Variants in FOXP2 observed in about 807,000 individuals in gnomAD.
FOXP2 encodes forkhead box protein P2.
Under a neutral mutation model 115.8 loss-of-function variants are expected in FOXP2, and 12 were observed. That is an observed-to-expected ratio of 0.10 (90% confidence interval 0.07 to 0.17). The LOEUF (loss-of-function observed/expected upper bound fraction) is 0.17. Among genes scored for constraint, FOXP2 ranks in the 10% least tolerant of loss-of-function variants. The pLI, the probability that FOXP2 is intolerant of heterozygous loss-of-function variation, is 1.00. For missense variants in FOXP2, 629 were observed against 843.5 expected (o/e 0.75, Z 3.15); for synonymous variants, 328 against 297.7 (o/e 1.10, Z -1.05).
chr7:114,161,860 A>G (rs1792846279), upstream of FOXP2, among the ~76,000 whole-genome samples: 1 of 151,978 alleles, frequency 6.6e-6, no homozygotes, highest in Admixed American at 6.6e-5. Flanking sequence ...TTGGCTCACT[A>G]CAGCCTTTGC....
intron 3 of FOXP2, among the ~76,000 whole-genome samples, chr7:114,548,563 A>G (rs994933945): frequency 7.2e-5 from 11 of 152,232 alleles, no homozygotes; most frequent in Non-Finnish European, 7.3e-5. Flanking sequence ...TTCTAGGAAA[A>G]TTTAGAAATA....
chr7:114,419,907 G>C (rs964244664), intron 1 of FOXP2: 1 of 151,914 alleles, frequency 6.6e-6, no homozygotes, highest in African/African-American at 2.4e-5. Flanking sequence ...ATTTCTCTAA[G>C]CGTACCGCCT....
At chr7:114,254,588 C>G (rs1411677320) in intron 1 of FOXP2, among the ~76,000 whole-genome samples, 1 of 152,222 alleles carries the variant, frequency 6.6e-6, no homozygotes, top group Non-Finnish European at 1.5e-5. Context: ...ATCAAATCAG[C>G]TACTGAAGCT....
At chr7:114,223,481 T>G (rs569624981) in intron 1 of FOXP2, among the ~76,000 whole-genome samples, 1 of 147,122 alleles carries the variant, frequency 6.8e-6, no homozygotes, top group Non-Finnish European at 1.5e-5. Context: ...CTTTATATAT[T>G]ATATACATTA....
At chr7:114,411,717 T>C (rs1055155549), upstream of FOXP2, among the ~76,000 whole-genome samples, 3 of 152,134 alleles carry the variant, frequency 2.0e-5, no homozygotes, top group Admixed American at 1.3e-4. Context: ...TTAATCAGTG[T>C]CCTAGCTCAT....
At chr7:114,139,519 T>A (rs969591480) in intron 1 of FOXP2, among the ~76,000 whole-genome samples, 5 of 152,212 alleles carry the variant, frequency 3.3e-5, no homozygotes, top group Admixed American at 3.3e-4. Context: ...TTTTTAGTCT[T>A]TAATAGTTAA....
chr7:114,310,725 G>A (rs1164522687), intron 2 of FOXP2, among the ~76,000 whole-genome samples: 3 of 152,192 alleles, frequency 2.0e-5, no homozygotes, highest in East Asian at 3.9e-4. Flanking sequence ...GGACAAAGGG[G>A]TGAAATTACA....
At chr7:114,614,309 A>AG (rs1403192944) in intron 3 of FOXP2, among the ~76,000 whole-genome samples, 1 of 114,576 alleles carries the variant, frequency 8.7e-6, no homozygotes, top group African/African-American at 4.1e-5. Flanking sequence ...TAGGTTGAAT[A>AG]ATGTTCATAT....
At chr7:114,524,876 T>C (rs1401063576) in intron 2 of FOXP2, among the ~76,000 whole-genome samples, 3 of 152,158 alleles carry the variant, frequency 2.0e-5, no homozygotes, top group African/African-American at 7.2e-5. Context: ...TATATGTGCA[T>C]ATTCATTCAG....
intron 1 of FOXP2, among the ~76,000 whole-genome samples, chr7:114,133,795 C>T (rs1194665497): frequency 6.6e-6 from 1 of 152,146 alleles, no homozygotes; most frequent in African/African-American, 2.4e-5. Context: ...AGTTATAAAG[C>T]CAGGACATCC....
At chr7:114,209,852 T>C (rs1794298056) in intron 1 of FOXP2, among the ~76,000 whole-genome samples, 1 of 152,214 alleles carries the variant, frequency 6.6e-6, no homozygotes, top group African/African-American at 2.4e-5. Flanking sequence ...CTTTTTTCTC[T>C]AGTGTGTGCC....
intron 2 of FOXP2, among the ~76,000 whole-genome samples, chr7:114,446,282 G>A (rs955257605): frequency 6.6e-6 from 1 of 151,780 alleles, no homozygotes; most frequent in Non-Finnish European, 1.5e-5. Flanking sequence ...ATTTGCCTCT[G>A]AGTTACTTCT....
intron 2 of FOXP2, among the ~76,000 whole-genome samples, chr7:114,298,955 G>A (rs568334117): frequency 2.6e-5 from 4 of 152,056 alleles, no homozygotes; most frequent in African/African-American, 4.8e-5. Context: ...TGAACCATAC[G>A]TACAAAATTA....
At chr7:114,316,928 T>C (rs1797292893) in intron 2 of FOXP2, among the ~76,000 whole-genome samples, 1 of 152,190 alleles carries the variant, frequency 6.6e-6, no homozygotes, top group South Asian at 2.1e-4. Context: ...TTGAGGTACT[T>C]AATCCCTACT....
intron 1 of FOXP2, among the ~76,000 whole-genome samples, chr7:114,118,382 G>A (rs1791466377): frequency 3.3e-5 from 5 of 151,720 alleles, no homozygotes; most frequent in Admixed American, 3.3e-4. Context: ...GAAAAAGTAT[G>A]TGATAAAGCT....
intron 10 of FOXP2, 71 bp downstream of exon 10, chr7:114,654,080 A>G (rs774752143): frequency 1.8e-5 from 29 of 1,609,744 alleles, no homozygotes; most frequent in Non-Finnish European, 2.5e-5. Context: ...TGAACAATTT[A>G]GTGACAGTTA....
At chr7:114,544,130 T>A (rs966037442) in intron 3 of FOXP2, among the ~76,000 whole-genome samples, 2 of 152,104 alleles carry the variant, frequency 1.3e-5, no homozygotes, top group African/African-American at 4.8e-5. Flanking sequence ...GTCAGGGTTA[T>A]AGTCATGAGC....
intron 2 of FOXP2, among the ~76,000 whole-genome samples, chr7:114,501,665 T>A (rs1797570767): frequency 1.3e-5 from 2 of 152,222 alleles, no homozygotes; most frequent in Non-Finnish European, 2.9e-5. Context: ...AGAAAATATA[T>A]CCAGTTACAT....
intron 2 of FOXP2, among the ~76,000 whole-genome samples, chr7:114,400,700 C>T (rs1457838385): frequency 6.6e-6 from 1 of 152,106 alleles, no homozygotes; most frequent in African/African-American, 2.4e-5. Context: ...ACCTAGATTC[C>T]TAGCATGCAC....
Sources: allele counts gnomAD v4.1 joint callset (sites outside exome capture counted in the v4.1 genomes callset), GRCh38; gene constraint gnomAD v4.1.1; transcripts MANE v1.5; gene names NCBI Gene and HGNC (gene_info 2026-07-23, HGNC 2026-07-21).